Variants in CLEC16A observed in about 807,000 individuals in gnomAD.
CLEC16A encodes the protein protein CLEC16A.
A neutral mutation model predicts 109.5 loss-of-function variants in CLEC16A; 51 were observed. That is an observed-to-expected ratio of 0.47 (90% CI 0.37 to 0.59). CLEC16A has a LOEUF of 0.59. CLEC16A is among the 20% of genes least tolerant of loss of function. The pLI, the probability that CLEC16A is intolerant of heterozygous loss-of-function variation, is 0.00. For synonymous variants in CLEC16A, 673 were observed against 564.2 expected (o/e 1.19, Z -2.73); for missense variants, 1,339 against 1,394.0 (o/e 0.96, Z 0.63).
intron 19 of CLEC16A, among the ~76,000 whole-genome samples, chr16:11,062,858 T>A (rs1440368381): frequency 7.3e-6 from 1 of 137,460 alleles, no homozygotes; most frequent in Non-Finnish European, 1.5e-5. Flanking sequence ...AGTCTTTCTC[T>A]GATTTGATTC....
At chr16:10,979,463 C>T (rs1596854493) in intron 9 of CLEC16A, 81 bp downstream of exon 9, 4 of 1,219,462 alleles carry the variant, frequency 3.3e-6, no homozygotes, top group Admixed American at 3.9e-5. Flanking sequence ...ATCCCCAGGC[C>T]TTATCACCCC....
chr16:11,027,999 G>A (rs997246994), intron 13 of CLEC16A, among the ~76,000 whole-genome samples: 5 of 152,174 alleles, frequency 3.3e-5, no homozygotes, highest in African/African-American at 4.8e-5. Context: ...TTGGGAGTTC[G>A]AGACCAGCCT....
At position 11,174,119 on chromosome 16, in the gene CLEC16A, G is replaced by A. The variant is rs1160537416; in HGVS notation, c.2807-4216G>A. On this transcript the variant is annotated intron_variant, in intron 23 of 23. Coordinates refer to ENST00000409790, the MANE Select transcript of CLEC16A (RefSeq NM_015226.3). This position sits in a 1 kb window ranked among gnomAD's most constrained non-coding sequence, Gnocchi z 4.7. ...CGCCTCTGCCGTCCCATTGTTAAAG[G>A]CTTTCTATGATCTGTCGCTGTGTTT... The A allele has an allele frequency of 1.9e-5, 9 of 462,398 alleles. No individual in the cohort carries two copies. The highest frequency in any genetic ancestry group is 3.6e-5 in the Non-Finnish European group (8 of 221,280). 28.6% of individuals were successfully genotyped at this position (462,398 alleles called of 1,614,324 possible).
chr16:11,149,495 T>C (rs2054207145), intron 22 of CLEC16A, among the ~76,000 whole-genome samples: 2 of 152,094 alleles, frequency 1.3e-5, no homozygotes, highest in South Asian at 4.1e-4. Flanking sequence ...TGATTGTTGA[T>C]TTTTGAAAAA....
In CLEC16A at chr16:11,178,170, C is replaced by T. The variant is rs1333957713; in HGVS notation, c.2807-165C>T. Among the ~76,000 whole-genome samples the T allele has an allele frequency of 2.6e-5, 4 of 152,210 alleles. No homozygotes were observed. Among genetic ancestry groups the T allele is most frequent in the African/African-American group, 9.6e-5 (4 of 41,458 alleles). On this transcript the variant is annotated intron_variant, in intron 23 of 23. Transcript: ENST00000409790. This position sits in a 1 kb window ranked among gnomAD's most constrained non-coding sequence, Gnocchi z 6.5. ...TAAGTCAGACTGGATTTTGCAGGTT[C>T]TGTGTCCCCAAAAGGAGTGAGTGGA...
At chr16:11,049,995 C>T (rs1360796064) in intron 17 of CLEC16A, among the ~76,000 whole-genome samples, 3 of 152,202 alleles carry the variant, frequency 2.0e-5, no homozygotes, top group Non-Finnish European at 4.4e-5. Flanking sequence ...CACCGGGTGT[C>T]TCAGTATGTT....
chr16:11,072,904 C>T (rs1362017000), intron 19 of CLEC16A, among the ~76,000 whole-genome samples: 4 of 152,176 alleles, frequency 2.6e-5, no homozygotes, highest in Non-Finnish European at 4.4e-5. Flanking sequence ...GGAGGTAACA[C>T]AGGCTTGTTA....
rs764725033 is a variant in CLEC16A at position 10,973,100 on chromosome 16, G to C, written c.728+39G>C. 9 of 1,556,798 alleles carry C rather than the reference G, an allele frequency of 5.8e-6. No homozygotes were observed. In the Admixed American group the frequency reaches 1.6e-4, roughly 28 times the overall value. ...CCAGGGCCACTCAGTAGATAGACAGGGTGGTTAGGGGAGAATTCTGTTTTC... is the reference window on the plus strand; with the variant it reads ...CCAGGGCCACTCAGTAGATAGACAGCGTGGTTAGGGGAGAATTCTGTTTTC... On this transcript the variant is annotated intron_variant, in intron 7 of 23. Coordinates refer to ENST00000409790, the MANE Select transcript of CLEC16A (RefSeq NM_015226.3).
At chr16:11,060,119 T>C (rs2048401697) in intron 18 of CLEC16A, among the ~76,000 whole-genome samples, 1 of 152,194 alleles carries the variant, frequency 6.6e-6, no homozygotes, top group South Asian at 2.1e-4. Flanking sequence ...AAGTACCTGG[T>C]GGCCACACAA....
At chr16:11,008,279 A>G (rs1488855163) in intron 11 of CLEC16A, among the ~76,000 whole-genome samples, 2 of 152,218 alleles carry the variant, frequency 1.3e-5, no homozygotes, top group Admixed American at 1.3e-4. Context: ...ACAGAGGGCA[A>G]CTGAGAAAAT....
At chr16:10,966,937 C>T (rs1003882885) in intron 3 of CLEC16A, among the ~76,000 whole-genome samples, 2 of 152,162 alleles carry the variant, frequency 1.3e-5, no homozygotes, top group Admixed American at 6.5e-5. Flanking sequence ...GTCAAGCTGT[C>T]CACTTAGGAT....
At chr16:11,064,831 A>G (rs1333586981) in intron 19 of CLEC16A, among the ~76,000 whole-genome samples, 1 of 152,192 alleles carries the variant, frequency 6.6e-6, no homozygotes, top group African/African-American at 2.4e-5. Context: ...CAAGGAGCTC[A>G]AATGAGATCA....
intron 22 of CLEC16A, chr16:11,126,405 T>C: frequency 7.0e-7 from 1 of 1,427,106 alleles, no homozygotes; most frequent in African/African-American, 1.4e-5. Flanking sequence ...CAGAATTGAC[T>C]AAGAATTTTC....
At chr16:11,017,413 T>C (rs2045825616) in intron 11 of CLEC16A, among the ~76,000 whole-genome samples, 1 of 152,148 alleles carries the variant, frequency 6.6e-6, no homozygotes, top group South Asian at 2.1e-4. Flanking sequence ...ATGCTATTAT[T>C]ATTAAGTAAA....
chr16:11,000,569 G>A (rs949962150), intron 10 of CLEC16A, among the ~76,000 whole-genome samples: 2 of 152,086 alleles, frequency 1.3e-5, no homozygotes, highest in Non-Finnish European at 2.9e-5. Context: ...TCGATCACCC[G>A]GCATCCTAAG....
At chr16:10,991,498 G>T (rs1458507597) in intron 10 of CLEC16A, among the ~76,000 whole-genome samples, 5 of 151,964 alleles carry the variant, frequency 3.3e-5, no homozygotes, top group Non-Finnish European at 7.4e-5. Flanking sequence ...GTGTGTTGGA[G>T]GAACAGCAAA....
At chr16:11,015,675 T>C (rs998216336) in intron 11 of CLEC16A, among the ~76,000 whole-genome samples, 3 of 152,226 alleles carry the variant, frequency 2.0e-5, no homozygotes, top group African/African-American at 7.2e-5. Context: ...TGCTGAATTG[T>C]CTTCACCCTC....
intron 22 of CLEC16A, chr16:11,126,606 C>G (rs544314343): frequency 3.3e-6 from 1 of 303,540 alleles, no homozygotes; most frequent in African/African-American, 2.2e-5. Context: ...ATGAGGGCGT[C>G]TCCTCCCACT....
intron 22 of CLEC16A, among the ~76,000 whole-genome samples, chr16:11,135,602 C>T (rs1057247729): frequency 9.9e-5 from 15 of 152,204 alleles, no homozygotes; most frequent in African/African-American, 1.4e-4. Flanking sequence ...ACTGTATGCC[C>T]GGGAGCCTTC....
Sources: allele counts gnomAD v4.1 joint callset (sites outside exome capture counted in the v4.1 genomes callset), GRCh38; gene constraint gnomAD v4.1.1; non-coding constraint Gnocchi (gnomAD v3.1); transcripts MANE v1.5; gene names NCBI Gene and HGNC (gene_info 2026-07-23, HGNC 2026-07-21).